TMA16: variants seen among roughly 807,000 people sequenced by gnomAD.
The protein encoded by TMA16 is translation machinery associated 16 homolog, also known as translation machinery-associated protein 16.
A neutral mutation model predicts 27.1 loss-of-function variants in TMA16; 26 were observed. That is an observed-to-expected ratio of 0.96 (90% CI 0.70 to 1.33). The LOEUF is 1.33. Ranked by LOEUF, TMA16 falls within the 40% of genes most tolerant of loss-of-function variation. The pLI is 0.00. For missense variants in TMA16, 233 were observed against 241.4 expected, an observed-to-expected ratio of 0.97 and a Z score of 0.23; for synonymous variants, 71 against 81.9, an observed-to-expected ratio of 0.87 and a Z score of 0.72.
At chr4:163,507,761 T>C (rs1387446985) in intron 2 of TMA16, among the ~76,000 whole-genome samples, 2 of 151,918 alleles carry the variant, frequency 1.3e-5, no homozygotes, top group Admixed American at 6.6e-5. Flanking sequence ...ATTCCACAAG[T>C]GAGACTGAGA....
At chr4:163,495,107 A>G (rs759488610) in intron 1 of TMA16, among the ~76,000 whole-genome samples, 12 of 152,028 alleles carry the variant, frequency 7.9e-5, no homozygotes, top group Non-Finnish European at 1.5e-4. Context: ...GCACCTTTCC[A>G]TTGTAACGCA....
intron 2 of TMA16, among the ~76,000 whole-genome samples, chr4:163,510,250 T>A (rs1239161481): frequency 1.3e-5 from 2 of 152,206 alleles, no homozygotes; most frequent in African/African-American, 2.4e-5. Context: ...AATTAATATA[T>A]AATAAAGCGA....
intron 2 of TMA16, among the ~76,000 whole-genome samples, chr4:163,508,948 A>G (rs540722417): frequency 6.6e-6 from 1 of 152,330 alleles, no homozygotes; most frequent in East Asian, 1.9e-4. Context: ...ATTGGCCAAG[A>G]CTTTTATTTT....
chr4:163,494,851 A>G (rs1737525100), intron 1 of TMA16, 47 bp downstream of exon 1: 2 of 1,608,732 alleles, frequency 1.2e-6, no homozygotes, highest in Non-Finnish European at 1.7e-6. Context: ...GTTCCCCGGA[A>G]GGCTCTTGTT....
Position 163,494,829 on chromosome 4 carries a change from A to C in TMA16, c.3+25A>C, listed in dbSNP as rs554442301. The C allele has an allele frequency of 4.2e-5, 67 of 1,610,818 alleles. 1 individual carries two copies. The Middle Eastern group carries it at 6.6e-4, about 16-fold the overall frequency. ...GGTGGGCCCCCTCCTGCTCCCCCGAACCGCTCGGTTGGTTCCCCGGAAGGC... is the reference window on the plus strand; with the variant it reads ...GGTGGGCCCCCTCCTGCTCCCCCGACCCGCTCGGTTGGTTCCCCGGAAGGC... On this transcript the variant is annotated intron_variant, in intron 1 of 6. Transcript: ENST00000358572.
rs541029549 is a variant in TMA16 at position 163,505,427 on chromosome 4, G to A, written c.4-1606G>A. Reference sequence around the variant, plus strand: ...AGAAAGCGAGCAGAGCGCTCAATGAGTGTTGAAAGAATGAATATATTTGTG... The same window carrying A: ...AGAAAGCGAGCAGAGCGCTCAATGAATGTTGAAAGAATGAATATATTTGTG... On this transcript the variant is annotated intron_variant, in intron 1 of 6. Coordinates refer to ENST00000358572, the MANE Select transcript of TMA16 (RefSeq NM_018352.3). 4.1e-4 allele frequency among the ~76,000 whole-genome samples: 63 copies of A among 152,322 alleles called. 1 individual carries two copies. Among genetic ancestry groups the A allele is most frequent in the Non-Finnish European group, 6.8e-4 (46 of 68,034 alleles).
chr4:163,512,766 G>A (rs778549771), intron 2 of TMA16, 56 bp from the exon 3 acceptor site: 379 of 1,400,034 alleles, frequency 2.7e-4, no homozygotes, highest in Non-Finnish European at 3.5e-4. Flanking sequence ...TATTGTCAGA[G>A]TTTTAAAACT....
At chr4:163,517,128 TC>T (rs1447679891) in intron 5 of TMA16, 6 of 302,338 alleles carry the variant, frequency 2.0e-5, no homozygotes, top group African/African-American at 1.1e-4. Flanking sequence ...GGTCTTGATC[TC>T]CTGACCTCCT....
chr4:163,518,269 T>C (rs1359019746), intron 6 of TMA16, among the ~76,000 whole-genome samples: 1 of 152,210 alleles, frequency 6.6e-6, no homozygotes, highest in African/African-American at 2.4e-5. Context: ...TCACTTAGGA[T>C]AATCTGTAAA....
rs545234039 is a variant in TMA16 at position 163,496,941 on chromosome 4, C to T, written c.3+2137C>T. On this transcript the variant is annotated intron_variant, in intron 1 of 6. Transcript: ENST00000358572. Reference sequence around the variant, plus strand: ...TGCTGTGATTACAAGTGTGGGCCACCGTGCCCAGCCAGGATTTTAGTATTT... The same window carrying T: ...TGCTGTGATTACAAGTGTGGGCCACTGTGCCCAGCCAGGATTTTAGTATTT... Among the ~76,000 whole-genome samples the T allele has an allele frequency of 7.2e-5, 11 of 152,262 alleles. No homozygotes were observed. The South Asian group carries it at 1.4e-3, about 20-fold the overall frequency.
At chr4:163,514,910 G>C (rs1737851852) in intron 4 of TMA16, among the ~76,000 whole-genome samples, 2 of 152,002 alleles carry the variant, frequency 1.3e-5, no homozygotes, top group Admixed American at 6.6e-5. Flanking sequence ...AAGGGATAGA[G>C]AGCAGTCAAG....
chr4:163,519,121 AT>A (rs1737928319), intron 6 of TMA16, among the ~76,000 whole-genome samples: 1 of 152,122 alleles, frequency 6.6e-6, no homozygotes, highest in Non-Finnish European at 1.5e-5. Flanking sequence ...GCAATTCTTG[AT>A]CTGGGTAGCA....
Position 163,512,851 on chromosome 4 carries a change from AC to A in TMA16, c.148del (p.Val51LeufsTer27), listed in dbSNP as rs1737818202. 6.2e-7 allele frequency: 1 copy of A among 1,607,230 alleles called. No individual in the cohort carries two copies. The highest frequency in any genetic ancestry group is 1.1e-5 in the South Asian group (1 of 90,000). On this transcript the variant is annotated frameshift_variant, in exon 3 of 7. Transcript: ENST00000358572. LOFTEE classifies it high-confidence loss of function. ...KLKNEKALRL[N>X]LVGEKLQWFQ... ...AAGAATGAAAAGGCCTTGCGTCTCA[AC>A]CTTGTTGGTAAGTGGGTTTACTTAT...
chr4:163,495,235 G>GT (rs1737532717), intron 1 of TMA16, among the ~76,000 whole-genome samples: 3 of 152,130 alleles, frequency 2.0e-5, no homozygotes, highest in African/African-American at 7.2e-5. Flanking sequence ...TTCACCTCTC[G>GT]TTAGTGCCCT....
chr4:163,505,744 G>A (rs1276221974), intron 1 of TMA16, among the ~76,000 whole-genome samples: 1 of 152,174 alleles, frequency 6.6e-6, no homozygotes, highest in African/African-American at 2.4e-5. Context: ...AGCTAGTAGA[G>A]CACTTTAAGC....
Position 163,500,961 on chromosome 4 carries a change from G to A in TMA16, c.4-6072G>A, listed in dbSNP as rs1012141991. 2.6e-5 allele frequency among the ~76,000 whole-genome samples: 4 copies of A among 152,316 alleles called. 1 individual carries two copies. In the South Asian group the frequency reaches 8.3e-4, roughly 32 times the overall value. On this transcript the variant is annotated intron_variant, in intron 1 of 6. Coordinates refer to ENST00000358572, the MANE Select transcript of TMA16 (RefSeq NM_018352.3). The stretch of plus-strand genomic sequence containing the variant: ...TTGGAAAAACTGATCTATTTTGTGT[G>A]TGACCTGGCAAAAGTTTTTCAAAAT...
chr4:163,519,304 G>C, intron 6 of TMA16, 30 bp from the exon 7 acceptor site: 2 of 1,519,442 alleles, frequency 1.3e-6, no homozygotes, highest in Non-Finnish European at 1.8e-6. Flanking sequence ...CCAACACTCT[G>C]CACTCTTTTT....
chr4:163,518,916 C>T (rs1374650774), intron 6 of TMA16, among the ~76,000 whole-genome samples: 1 of 152,068 alleles, frequency 6.6e-6, no homozygotes, highest in East Asian at 1.9e-4. Context: ...GAGTTCAGTT[C>T]CCAAAATAAT....
In TMA16 at chr4:163,514,178, T is replaced by C. The variant is rs1054386706; in HGVS notation, c.239+20T>C. 2 of 1,577,840 alleles carry C rather than the reference T, an allele frequency of 1.3e-6. No individual in the cohort carries two copies. The highest frequency in any genetic ancestry group is 1.8e-5 in the Admixed American group (1 of 55,304). On this transcript the variant is annotated intron_variant, in intron 4 of 6. Coordinates refer to ENST00000358572, the MANE Select transcript of TMA16 (RefSeq NM_018352.3). ...TGAAAGGTAAACACTGGGCATATTA[T>C]GAGCAAAGGGTCAGAAAAGGGAATT...
Sources: allele counts gnomAD v4.1 joint callset (sites outside exome capture counted in the v4.1 genomes callset), GRCh38; gene constraint gnomAD v4.1.1; transcripts MANE v1.5; gene names NCBI Gene and HGNC (gene_info 2026-07-23, HGNC 2026-07-21).